Variants in CYP7B1 observed in about 807,000 individuals in gnomAD.
CYP7B1 encodes cytochrome P450 7B1.
A neutral mutation model predicts 42.7 loss-of-function variants in CYP7B1; 29 were observed. The ratio of observed to expected loss-of-function variants is 0.68; its 90% CI spans 0.51 to 0.93. CYP7B1 has a LOEUF of 0.93. Among genes scored for constraint, CYP7B1 ranks in the 40% least tolerant of loss-of-function variants. CYP7B1 has a pLI of 0.00. For synonymous variants in CYP7B1, 235 were observed against 218.2 expected, an observed-to-expected ratio of 1.08 and a Z score of -0.68; for missense variants, 655 against 600.5, an observed-to-expected ratio of 1.09 and a Z score of -0.95.
Position 64,616,253 on chromosome 8 carries a change from G to T in CYP7B1, c.288C>A (p.Pro96=). 1 of 1,604,876 alleles carries T rather than the reference G, an allele frequency of 6.2e-7. No individual in the cohort carries two copies. Among genetic ancestry groups the T allele is most frequent in the Non-Finnish European group, 8.5e-7 (1 of 1,175,456 alleles). ...GGKYITFILD[P]FQYQLVIKNH... ...TTTTTATCACTAGCTGGTACTGGAA[G>T]GGGTCCAGGATAAATGTTATGTACT... Residue 96 remains proline, a synonymous_variant, in exon 3 of 6, where the codon CCC becomes CCA. Coordinates refer to ENST00000310193, the MANE Select transcript of CYP7B1 (RefSeq NM_004820.5).
chr8:64,738,646 C>T (rs1484727885), intron 1 of CYP7B1, among the ~76,000 whole-genome samples: 1 of 152,060 alleles, frequency 6.6e-6, no homozygotes, highest in African/African-American at 2.4e-5. Flanking sequence ...ATGTAAAGAG[C>T]TGGGAAGTCA....
At chr8:64,744,521 G>T (rs950112293) in intron 1 of CYP7B1, among the ~76,000 whole-genome samples, 2 of 152,076 alleles carry the variant, frequency 1.3e-5, no homozygotes, top group Admixed American at 6.6e-5. Flanking sequence ...GTGCAGCTCA[G>T]AAATAATTAT....
chr8:64,701,307 G>A (rs538237552), intron 1 of CYP7B1, among the ~76,000 whole-genome samples: 1 of 152,068 alleles, frequency 6.6e-6, no homozygotes, highest in African/African-American at 2.4e-5. Context: ...TCTCTCCCAG[G>A]ATAAGATCAT....
chr8:64,628,166 C>A (rs892219354), intron 1 of CYP7B1, among the ~76,000 whole-genome samples: 3 of 152,186 alleles, frequency 2.0e-5, no homozygotes, highest in Admixed American at 2.0e-4. Context: ...CTTCTCATTA[C>A]CGTTTAAAAA....
chr8:64,790,225 T>C (rs1804595446), intron 1 of CYP7B1, among the ~76,000 whole-genome samples: 1 of 152,194 alleles, frequency 6.6e-6, no homozygotes, highest in Non-Finnish European at 1.5e-5. Flanking sequence ...TAATTTCCAA[T>C]GTTTGATCTT....
At chr8:64,626,966 A>G (rs956804452) in intron 1 of CYP7B1, among the ~76,000 whole-genome samples, 1 of 152,218 alleles carries the variant, frequency 6.6e-6, no homozygotes, top group Admixed American at 6.5e-5. Flanking sequence ...ATTTTCCCAC[A>G]ATCCAACATG....
chr8:64,636,836 C>A (rs530484623), intron 1 of CYP7B1, among the ~76,000 whole-genome samples: 2 of 152,262 alleles, frequency 1.3e-5, no homozygotes, highest in Non-Finnish European at 2.9e-5. Flanking sequence ...GAAGTCGATT[C>A]ATAACTGAAG....
chr8:64,742,818 G>A lies in CYP7B1; in HGVS notation c.122+55648C>T, dbSNP rs1807589441. Among the ~76,000 whole-genome samples, 4 of 152,080 alleles carry A rather than the reference G, an allele frequency of 2.6e-5. No homozygotes were observed. In the South Asian group the frequency reaches 8.3e-4, roughly 32 times the overall value. Reference sequence around the variant, plus strand: ...AGAATTTAGTCTATTCTTTATCAGAGGTAGCAAAAAGTTTTTTCCTTTGTA... The same window carrying A: ...AGAATTTAGTCTATTCTTTATCAGAAGTAGCAAAAAGTTTTTTCCTTTGTA... On this transcript the variant is annotated intron_variant, in intron 1 of 5. Coordinates refer to ENST00000310193, the MANE Select transcript of CYP7B1 (RefSeq NM_004820.5).
chr8:64,622,090 G>C (rs1805539679), intron 2 of CYP7B1, among the ~76,000 whole-genome samples: 1 of 151,614 alleles, frequency 6.6e-6, no homozygotes, highest in African/African-American at 2.4e-5. Context: ...TCCTCCAGTT[G>C]GATCATTTCT....
chr8:64,795,215 G>A (rs1213671745), intron 1 of CYP7B1, among the ~76,000 whole-genome samples: 1 of 152,172 alleles, frequency 6.6e-6, no homozygotes, highest in Non-Finnish European at 1.5e-5. Flanking sequence ...AGAGAAATAA[G>A]TTATACGCAA....
chr8:64,615,788 T>C lies in CYP7B1; in HGVS notation c.753A>G (p.Ser251=), dbSNP rs1805431314. ...IREKIIKCFS[S]EKLAKMQGWS... ...ATCCTTGCATCTTGGCTAACTTTTCTGATGAGAAGCATTTTATAATTTTCT... is the reference window on the plus strand; with the variant it reads ...ATCCTTGCATCTTGGCTAACTTTTCCGATGAGAAGCATTTTATAATTTTCT... Residue 251 remains serine, a synonymous_variant, in exon 3 of 6, where the codon TCA becomes TCG. Coordinates refer to ENST00000310193, the MANE Select transcript of CYP7B1 (RefSeq NM_004820.5). 2 of 1,613,706 alleles carry C rather than the reference T, an allele frequency of 1.2e-6. No individual in the cohort carries two copies. The highest frequency in any genetic ancestry group is 1.7e-5 in the Admixed American group (1 of 59,992).
chr8:64,604,871 A>G lies in CYP7B1; in HGVS notation c.1058-14T>C, dbSNP rs1297382595. 6.2e-7 allele frequency: 1 copy of G among 1,612,510 alleles called. No individual in the cohort carries two copies. ...AAATGCTGCTTTCTGAAGGAAAAAA[A>G]CAAACGATAGCTTATTAAGATAGGG... On this transcript the variant is annotated splice_polypyrimidine_tract_variant and intron_variant, in intron 4 of 5. Coordinates refer to ENST00000310193, the MANE Select transcript of CYP7B1 (RefSeq NM_004820.5).
rs140897773 is a variant in CYP7B1 at position 64,660,523 on chromosome 8, C to T, written c.123-35984G>A. Among the ~76,000 whole-genome samples, 13 of 152,264 alleles carry T rather than the reference C, an allele frequency of 8.5e-5. 1 individual carries two copies. The highest frequency in any genetic ancestry group is 1.6e-4 in the Non-Finnish European group (11 of 68,018). On this transcript the variant is annotated intron_variant, in intron 1 of 5. Coordinates refer to ENST00000310193, the MANE Select transcript of CYP7B1 (RefSeq NM_004820.5). ...GTTGTTGTAGGCCTTTGTTGCAGGT[C>T]TCAATCCTTTGAAACCAAATAGCCC...
intron 1 of CYP7B1, among the ~76,000 whole-genome samples, chr8:64,678,579 G>C (rs35785322): frequency 2.0e-5 from 3 of 152,134 alleles, no homozygotes; most frequent in Non-Finnish European, 4.4e-5. Flanking sequence ...GTGATATTCA[G>C]AGCAAAGCAA....
intron 1 of CYP7B1, among the ~76,000 whole-genome samples, chr8:64,757,030 C>T (rs1392566774): frequency 6.6e-6 from 1 of 152,174 alleles, no homozygotes; most frequent in Non-Finnish European, 1.5e-5. Context: ...AGGATGTTGA[C>T]AAGCCTGAGT....
At chr8:64,714,928 G>A (rs568664397) in intron 1 of CYP7B1, among the ~76,000 whole-genome samples, 7 of 152,228 alleles carry the variant, frequency 4.6e-5, no homozygotes, top group Non-Finnish European at 7.4e-5. Flanking sequence ...AACTGACCGT[G>A]TTCCTTATTT....
chr8:64,666,146 CA>C (rs1358051692), intron 1 of CYP7B1, among the ~76,000 whole-genome samples: 3 of 152,152 alleles, frequency 2.0e-5, no homozygotes, highest in South Asian at 2.1e-4. Flanking sequence ...CTGAGTTTTT[CA>C]AACCCCCAAT....
intron 1 of CYP7B1, among the ~76,000 whole-genome samples, chr8:64,686,827 A>C (rs1266509478): frequency 1.5e-5 from 1 of 66,708 alleles, no homozygotes; most frequent in Non-Finnish European, 3.1e-5. Flanking sequence ...CTGTGACCTT[A>C]CCCCCAACCC....
chr8:64,750,659 T>C (rs1807713075), intron 1 of CYP7B1, among the ~76,000 whole-genome samples: 1 of 152,140 alleles, frequency 6.6e-6, no homozygotes, highest in South Asian at 2.1e-4. Context: ...ACCAAGCTTT[T>C]CTGGAGTGTT....
Sources: gnomAD v4.1 joint callset for allele counts (sites outside exome capture counted in the v4.1 genomes callset) on GRCh38, gnomAD v4.1.1 for gene constraint, MANE v1.5 for transcripts, NCBI Gene and HGNC (gene_info 2026-07-23, HGNC 2026-07-21) for gene names.